Variants in SNRPA1 observed in about 807,000 individuals in gnomAD.
The protein encoded by SNRPA1 is small nuclear ribonucleoprotein polypeptide A', also known as U2 small nuclear ribonucleoprotein A'.
Under a neutral mutation model 32.3 loss-of-function variants are expected in SNRPA1, and 5 were observed. That is an observed-to-expected ratio of 0.15 (90% CI 0.08 to 0.33). The LOEUF (loss-of-function observed/expected upper bound fraction) is 0.33, where lower values mean the gene tolerates loss of function less well. Ranked by LOEUF, SNRPA1 falls within the 10% of genes least tolerant of loss-of-function variation. The pLI, the probability that SNRPA1 is intolerant of heterozygous loss-of-function variation, is 1.00. For missense variants in SNRPA1, 198 were observed against 311.1 expected (o/e 0.64, Z 2.74); for synonymous variants, 111 against 120.1 (o/e 0.92, Z 0.50).
In SNRPA1 at chr15:101,289,639, A is replaced by T. The variant is rs531440684; in HGVS notation, c.310-1937T>A. 9.9e-5 allele frequency among the ~76,000 whole-genome samples: 15 copies of T among 152,262 alleles called. 1 individual carries two copies. In the South Asian group the frequency reaches 3.1e-3, roughly 32 times the overall value. On this transcript the variant is annotated intron_variant, in intron 3 of 8. Transcript: ENST00000254193. ...GAGCTTTCAGACTGGATTGTAAAAA[A>T]TTCCAACCAGAGCTGGGCGCGGTGA...
In SNRPA1 at chr15:101,281,733, G is replaced by A. The variant is rs151201574; in HGVS notation, c.759C>T (p.Asn253=). The A allele has an allele frequency of 7.5e-4, 1,204 of 1,613,272 alleles. 2 individuals are homozygous for A. Among genetic ancestry groups the A allele is most frequent in the Non-Finnish European group, 9.3e-4 (1,092 of 1,179,208 alleles). ...ACATCTGCCTCACTGCTCAGGACCC[G>A]TTTGTGACTGTGTCTTCTTCCATCT... ...EEEMEEDTVT[N]GS The change falls in exon 9 of 9, where the codon AAC becomes AAT. Residue 253 remains asparagine, a synonymous_variant. Transcript: ENST00000254193.
At chr15:101,284,263 A>G (rs1297001821) in intron 8 of SNRPA1, among the ~76,000 whole-genome samples, 1 of 152,218 alleles carries the variant, frequency 6.6e-6, no homozygotes, top group Non-Finnish European at 1.5e-5. Flanking sequence ...AAGATGAGGA[A>G]AGACTTGAAG....
Position 101,295,098 on chromosome 15 carries a change from C to G in SNRPA1, c.81G>C (p.Arg27=). ...NAVRDRELDL[R]GYKIPVIENL... is the part of the protein sequence containing the mutation. Reference sequence around the variant, plus strand: ...GGCCGCCCACGCCCCCGGACTCACCCCGGAGGTCCAGCTCCCGGTCGCGCA... The same window carrying G: ...GGCCGCCCACGCCCCCGGACTCACCGCGGAGGTCCAGCTCCCGGTCGCGCA... Residue 27 remains arginine, a splice_region_variant and synonymous_variant, in exon 1 of 9, where the codon CGG becomes CGC. Coordinates refer to ENST00000254193, the MANE Select transcript of SNRPA1 (RefSeq NM_003090.4). The G allele has an allele frequency of 6.6e-7, 1 of 1,524,556 alleles. No homozygotes were observed. The highest frequency in any genetic ancestry group is 8.8e-7 in the Non-Finnish European group (1 of 1,138,482). The allele number at this position is 1,524,556 out of a possible 1,614,324, so 94.4% of individuals were successfully genotyped here. A position where few individuals can be genotyped will look rare whatever the true frequency, so the allele number is the denominator to read the frequency against.
chr15:101,286,103 C>T, intron 6 of SNRPA1, 111 bp downstream of exon 6: 2 of 852,450 alleles, frequency 2.3e-6, no homozygotes, highest in Non-Finnish European at 3.7e-6. Flanking sequence ...AATTTAATAC[C>T]ACATTAATAT....
At chr15:101,287,951 A>G in intron 3 of SNRPA1, 2 of 433,470 alleles carry the variant, frequency 4.6e-6, no homozygotes, top group Non-Finnish European at 8.5e-6. Context: ...TTGCTTTCCT[A>G]CAGGAATCTC....
At chr15:101,285,981 G>C (rs2039450453) in intron 6 of SNRPA1, 180 bp from the exon 7 acceptor site, 2 of 630,372 alleles carry the variant, frequency 3.2e-6, no homozygotes, top group African/African-American at 3.7e-5. Flanking sequence ...ATAGAAAATA[G>C]GATGTACATG....
chr15:101,285,590 TAAAC>T (rs990046789), intron 7 of SNRPA1, 132 bp downstream of exon 7: 4 of 632,726 alleles, frequency 6.3e-6, no homozygotes, highest in African/African-American at 1.8e-5. Flanking sequence ...AGTTTTTCCT[TAAAC>T]AGAAATATTG....
intron 3 of SNRPA1, among the ~76,000 whole-genome samples, chr15:101,290,443 T>A (rs1291798187): frequency 4.6e-5 from 7 of 152,180 alleles, no homozygotes; most frequent in Admixed American, 2.0e-4. Flanking sequence ...CTGTCTTATG[T>A]TTGTAGTCAA....
At chr15:101,284,926 G>A (rs774520606) in intron 8 of SNRPA1, 41 bp downstream of exon 8, 1 of 1,459,130 alleles carries the variant, frequency 6.9e-7, no homozygotes, top group Non-Finnish European at 9.6e-7. Context: ...CACTCTGAGT[G>A]TAACATTAAT....
At chr15:101,286,136 G>A in intron 6 of SNRPA1, 78 bp downstream of exon 6, 2 of 1,232,804 alleles carry the variant, frequency 1.6e-6, no homozygotes, top group Non-Finnish European at 2.3e-6. Context: ...GGTTAATTTT[G>A]TAGGAGACGA....
Position 101,293,138 on chromosome 15 carries a change from A to G in SNRPA1, c.117T>C (p.Ala39=), listed in dbSNP as rs767184999. Residue 39 remains alanine, a synonymous_variant, in exon 2 of 9, where the codon GCT becomes GCC. Coordinates refer to ENST00000254193, the MANE Select transcript of SNRPA1 (RefSeq NM_003090.4). ...CAATAGCATCAAACTGGTCTAACGT[A>G]GCACCTAGATTTTCAATGACGGGAA... The part of the protein sequence containing the change: ...YKIPVIENLG[A]TLDQFDAIDF... 18 of 1,610,070 alleles carry G rather than the reference A, an allele frequency of 1.1e-5. No individual in the cohort carries two copies. Among genetic ancestry groups the G allele is most frequent in the South Asian group, 1.1e-5 (1 of 90,250 alleles).
chr15:101,284,810 A>ACTTTAT, intron 8 of SNRPA1, 157 bp downstream of exon 8: 1 of 623,920 alleles, frequency 1.6e-6, no homozygotes, highest in Non-Finnish European at 2.9e-6. Context: ...CCCATCAAAT[A>ACTTTAT]CTTTATCTTC....
chr15:101,292,782 T>G (rs2039541201), intron 2 of SNRPA1: 1 of 291,740 alleles, frequency 3.4e-6, no homozygotes, highest in African/African-American at 2.2e-5. Context: ...ACTAGACTAA[T>G]GCCAGGTTAA....
Position 101,284,650 on chromosome 15 carries a change from G to A in SNRPA1, c.709+317C>T, listed in dbSNP as rs1033955895. On this transcript the variant is annotated intron_variant, in intron 8 of 8. Transcript: ENST00000254193. ...CCCGAGTAGCTGGGATTACAGGCGC[G>A]CACCACCACCCCCGGCTAATTTTGT... The A allele has an allele frequency of 2.0e-4, 42 of 212,616 alleles. 1 individual carries two copies. The highest frequency in any genetic ancestry group is 2.3e-4 in the Non-Finnish European group (23 of 100,608). 13.2% of individuals were successfully genotyped at this position (212,616 alleles called of 1,614,324 possible). A position where few individuals can be genotyped will look rare whatever the true frequency, so the allele number is the denominator to read the frequency against.
intron 3 of SNRPA1, among the ~76,000 whole-genome samples, chr15:101,291,445 A>T (rs991482966): frequency 1.3e-5 from 2 of 152,252 alleles, no homozygotes; most frequent in South Asian, 4.1e-4. Context: ...TAATTTTAAT[A>T]ATATGCCATT....
intron 3 of SNRPA1, among the ~76,000 whole-genome samples, chr15:101,291,684 A>T (rs150360205): frequency 1.1e-3 from 160 of 152,330 alleles, no homozygotes; most frequent in African/African-American, 3.6e-3. Flanking sequence ...GGAAATTTAA[A>T]CATCAAAAGG....
intron 1 of SNRPA1, among the ~76,000 whole-genome samples, chr15:101,293,901 G>A (rs970087404): frequency 2.0e-5 from 3 of 152,178 alleles, no homozygotes; most frequent in African/African-American, 7.2e-5. Context: ...TCTCAACACT[G>A]CACATGCTCC....
At chr15:101,291,663 C>T (rs180834711) in intron 3 of SNRPA1, among the ~76,000 whole-genome samples, 1 of 151,852 alleles carries the variant, frequency 6.6e-6, no homozygotes, top group South Asian at 2.1e-4. Flanking sequence ...AGTTTATAAC[C>T]CTGGAATAGG....
chr15:101,285,405 T>C (rs2039443809), intron 7 of SNRPA1, among the ~76,000 whole-genome samples: 3 of 152,140 alleles, frequency 2.0e-5, no homozygotes, highest in Non-Finnish European at 4.4e-5. Context: ...GTCAAAAGGA[T>C]TTGCCAGACA....
Sources: allele counts gnomAD v4.1 joint callset (sites outside exome capture counted in the v4.1 genomes callset), GRCh38; gene constraint gnomAD v4.1.1; transcripts MANE v1.5; gene names NCBI Gene and HGNC (gene_info 2026-07-23, HGNC 2026-07-21).